Variants in LRP1B observed in about 807,000 individuals in gnomAD.
The protein encoded by LRP1B is low-density lipoprotein receptor-related protein 1B.
Under a neutral mutation model 556.6 loss-of-function variants are expected in LRP1B, and 217 were observed. That is an observed-to-expected ratio of 0.39 (90% CI 0.35 to 0.44). The LOEUF is 0.44. Among genes scored for constraint, LRP1B ranks in the 20% least tolerant of loss-of-function variants. The pLI is 1.00. For missense variants in LRP1B, 5,053 were observed against 5,620.8 expected (o/e 0.90, Z 3.23); for synonymous variants, 2,047 against 1,865.8 (o/e 1.10, Z -2.50).
At chr2:141,021,663 C>A (rs1329640309) in intron 11 of LRP1B, among the ~76,000 whole-genome samples, 1 of 151,946 alleles carries the variant, frequency 6.6e-6, no homozygotes, top group East Asian at 1.9e-4. Context: ...AGTCTTCATG[C>A]TGGATAACCC....
At chr2:141,648,374 C>T (rs189399360) in intron 2 of LRP1B, among the ~76,000 whole-genome samples, 1 of 152,138 alleles carries the variant, frequency 6.6e-6, no homozygotes, top group Admixed American at 6.6e-5. Flanking sequence ...CCTTCATTCC[C>T]ATCTCTCTAC....
chr2:141,451,323 G>C (rs1035190710), intron 3 of LRP1B, among the ~76,000 whole-genome samples: 2 of 152,136 alleles, frequency 1.3e-5, no homozygotes, highest in African/African-American at 4.8e-5. Flanking sequence ...TAGTGAACTG[G>C]TAGTGTCAAT....
chr2:140,602,849 A>G (rs973635616), intron 41 of LRP1B, among the ~76,000 whole-genome samples: 5 of 151,986 alleles, frequency 3.3e-5, no homozygotes, highest in African/African-American at 4.8e-5. Flanking sequence ...TGCTTTTCAT[A>G]CATCATTTTA....
intron 2 of LRP1B, among the ~76,000 whole-genome samples, chr2:141,504,882 T>C (rs1181952163): frequency 6.6e-6 from 1 of 152,220 alleles, no homozygotes. Context: ...AAAGACTTAG[T>C]TCTTCAGTCT....
intron 3 of LRP1B, among the ~76,000 whole-genome samples, chr2:141,279,622 T>C (rs1011691374): frequency 6.6e-6 from 1 of 152,132 alleles, no homozygotes; most frequent in Non-Finnish European, 1.5e-5. Context: ...AGTAAACATG[T>C]GCTGAATGAA....
intron 41 of LRP1B, among the ~76,000 whole-genome samples, chr2:140,628,469 G>A (rs555895942): frequency 2.4e-4 from 36 of 151,132 alleles, no homozygotes; most frequent in East Asian, 1.6e-3. Flanking sequence ...CCCGGGAGGC[G>A]GAGCTTGCAG....
intron 3 of LRP1B, among the ~76,000 whole-genome samples, chr2:141,399,776 G>A (rs1690379504): frequency 6.6e-6 from 1 of 152,158 alleles, no homozygotes; most frequent in Non-Finnish European, 1.5e-5. Flanking sequence ...TCAGTTTGGC[G>A]AGATAGAAAT....
At chr2:141,672,558 C>T (rs754952452) in intron 2 of LRP1B, among the ~76,000 whole-genome samples, 30 of 152,170 alleles carry the variant, frequency 2.0e-4, no homozygotes, top group Admixed American at 6.6e-4. Flanking sequence ...GTTTGCTATA[C>T]CTAGATTTAT....
chr2:141,985,440 A>C (rs187788469), intron 1 of LRP1B, among the ~76,000 whole-genome samples: 1 of 152,142 alleles, frequency 6.6e-6, no homozygotes, highest in African/African-American at 2.4e-5. Flanking sequence ...TTTTGTCTTC[A>C]AATTATAAAG....
intron 33 of LRP1B, among the ~76,000 whole-genome samples, chr2:140,771,465 G>A (rs191294699): frequency 2.9e-4 from 44 of 152,240 alleles, no homozygotes; most frequent in Admixed American, 6.5e-4. Context: ...AGGTATGTAT[G>A]TGTATATGTA....
At chr2:141,463,548 AT>A (rs1682002128) in intron 3 of LRP1B, among the ~76,000 whole-genome samples, 1 of 22,682 alleles carries the variant, frequency 4.4e-5, no homozygotes, top group Non-Finnish European at 1.2e-4. Flanking sequence ...ATTATATATA[AT>A]TATATATAAT....
At chr2:141,421,468 G>T (rs867066755) in intron 3 of LRP1B, among the ~76,000 whole-genome samples, 120 of 148,306 alleles carry the variant, frequency 8.1e-4, no homozygotes, top group African/African-American at 2.9e-3. Flanking sequence ...GGCGGAGCTT[G>T]CAGTGAGCCG....
chr2:140,620,891 T>TA (rs935599054), intron 41 of LRP1B, among the ~76,000 whole-genome samples: 4 of 152,084 alleles, frequency 2.6e-5, no homozygotes, highest in African/African-American at 7.2e-5. Context: ...GAAGTTAACA[T>TA]AAAAAATAAG....
At chr2:140,313,219 T>G (rs1403040796) in intron 83 of LRP1B, among the ~76,000 whole-genome samples, 1 of 151,962 alleles carries the variant, frequency 6.6e-6, no homozygotes, top group Admixed American at 6.6e-5. Context: ...GTATCTCATA[T>G]TGAATCCATA....
intron 1 of LRP1B, among the ~76,000 whole-genome samples, chr2:142,117,009 T>G (rs1559081340): frequency 6.6e-6 from 1 of 152,172 alleles, no homozygotes; most frequent in Admixed American, 6.6e-5. Context: ...CCTTTTTTTC[T>G]TTTCTTTATT....
At chr2:140,759,556 G>A (rs182443882) in intron 35 of LRP1B, among the ~76,000 whole-genome samples, 33 of 152,306 alleles carry the variant, frequency 2.2e-4, no homozygotes, top group Admixed American at 7.8e-4. Flanking sequence ...GTTAGCCATA[G>A]TGTGTAATGG....
At chr2:141,951,837 AT>A (rs901361283) in intron 1 of LRP1B, among the ~76,000 whole-genome samples, 11 of 151,786 alleles carry the variant, frequency 7.2e-5, no homozygotes, top group Admixed American at 2.0e-4. Flanking sequence ...GTTCAGAAGA[AT>A]TTTTTTTTAA....
In LRP1B at chr2:140,457,560, A is replaced by G. The variant is rs1342052325; in HGVS notation, c.9717T>C (p.Arg3239=). The G allele has an allele frequency of 5.6e-6, 9 of 1,613,836 alleles. No individual in the cohort carries two copies. In the East Asian group the frequency reaches 2.0e-4, roughly 36 times the overall value. The change falls in exon 61 of 91, where the codon CGT becomes CGC. Residue 3239 remains arginine, a synonymous_variant. Coordinates refer to ENST00000389484, the MANE Select transcript of LRP1B (RefSeq NM_018557.3). ...WTDGKTKSLS[R]AHKTSGADRL... ...TGTCTGCTCCCGATGTTTTATGGGC[A>G]CGGCTGAGTGACTTGGTTTTCCCAT...
intron 3 of LRP1B, among the ~76,000 whole-genome samples, chr2:141,307,114 G>T (rs1444877895): frequency 6.6e-6 from 1 of 151,982 alleles, no homozygotes; most frequent in East Asian, 1.9e-4. Context: ...ATATCTGCTA[G>T]GTCCATTTGG....
Sources: allele counts gnomAD v4.1 joint callset (sites outside exome capture counted in the v4.1 genomes callset), GRCh38; gene constraint gnomAD v4.1.1; transcripts MANE v1.5; gene names NCBI Gene and HGNC (gene_info 2026-07-23, HGNC 2026-07-21).